The following NOP2 variants were observed in gnomAD, a reference collection of about 807,000 sequenced individuals.
NOP2 encodes the protein NOP2 nucleolar protein.
Under a neutral mutation model 72.7 loss-of-function variants are expected in NOP2, and 7 were observed. The observed-to-expected ratio is 0.10, with a 90% CI of 0.05 to 0.18. The LOEUF is 0.18. Among genes scored for constraint, NOP2 ranks in the 10% least tolerant of loss-of-function variants. NOP2 has a pLI of 1.00. For missense variants in NOP2, 954 were observed against 1,014.7 expected (o/e 0.94, Z 0.81); for synonymous variants, 387 against 388.0 (o/e 1.00, Z 0.03).
chr12:6,559,243 C>T (rs944957942), intron 15 of NOP2, among the ~76,000 whole-genome samples: 2 of 152,076 alleles, frequency 1.3e-5, no homozygotes, highest in South Asian at 2.1e-4. Context: ...CTCAGCCTCC[C>T]GAGTAGCTGG....
At chr12:6,563,262 GC>G in intron 8 of NOP2, 52 bp downstream of exon 8, 1 of 1,550,404 alleles carries the variant, frequency 6.4e-7, no homozygotes, top group Admixed American at 2.0e-5. Flanking sequence ...TCCTTACACA[GC>G]GTAAGGAGGC....
chr12:6,557,613 C>T lies in NOP2; in HGVS notation c.1819G>A (p.Val607Ile). ...GNSETATPTN[V>I]DLPQVIPKSE... is the part of the protein sequence containing the mutation. ...TTGGGGATGACCTGAGGCAAGTCTA[C>T]ATTTGTAGGTGTGGCTGTTTCAGAA... The change falls in exon 16 of 16, where the codon GTA becomes ATA. Residue 607 changes from valine to isoleucine, a missense_variant. Physicochemically the swap from Val to Ile is conservative, Grantham distance 29. Transcript: ENST00000322166. 1.9e-6 allele frequency: 3 copies of T among 1,613,014 alleles called. No homozygotes were observed. The highest frequency in any genetic ancestry group is 2.2e-5 in the East Asian group (1 of 44,878).
chr12:6,560,501 G>A lies in NOP2; in HGVS notation c.1506C>T (p.Val502=). ...KELLLSAIDS[V]NATSKTGGYL... Reference sequence around the variant, plus strand: ...AGCCTCCTGTCTTGGAGGTCGCATTGACAGAGTCAATAGCACTCAGGAGCA... The same window carrying A: ...AGCCTCCTGTCTTGGAGGTCGCATTAACAGAGTCAATAGCACTCAGGAGCA... The change falls in exon 14 of 16, where the codon GTC becomes GTT. Residue 502 remains valine (V), a synonymous_variant. Coordinates refer to ENST00000322166, the MANE Select transcript of NOP2 (RefSeq NM_001258308.2). The surrounding 1 kb of genome is among the most constrained non-coding windows in gnomAD (Gnocchi z 5.0). 1.2e-6 allele frequency: 2 copies of A among 1,606,172 alleles called. No homozygotes were observed. Among genetic ancestry groups the A allele is most frequent in the Non-Finnish European group, 1.7e-6 (2 of 1,175,328 alleles).
intron 2 of NOP2, chr12:6,567,523 A>C: frequency 3.2e-6 from 1 of 313,142 alleles, no homozygotes; most frequent in Non-Finnish European, 5.9e-6. Context: ...TTCAAAACCC[A>C]GCTTAACAAA....
chr12:6,561,854 T>C lies in NOP2; in HGVS notation c.1066+30A>G, dbSNP rs751266237. ...CATGCGGTAGGGACAGGGACAGAGG[T>C]AGAAGGGCTCTTGGGTGGGGGAGAC... On this transcript the variant is annotated intron_variant, in intron 10 of 15. Transcript: ENST00000322166. 14 of 1,608,608 alleles carry C rather than the reference T, an allele frequency of 8.7e-6. No homozygotes were observed. In the East Asian group the frequency reaches 2.2e-4, roughly 26 times the overall value.
chr12:6,567,825 A>C lies in NOP2; in HGVS notation c.94T>G (p.Leu32Val). The C allele has an allele frequency of 6.2e-7, 1 of 1,613,938 alleles. No homozygotes were observed. The highest frequency in any genetic ancestry group is 8.5e-7 in the Non-Finnish European group (1 of 1,179,798). ...KGAETELVRF[L>V]PAVSDENSKR... ...CACAACTAATCCTTACCTGCAGGCAAGAATCTGACGAGTTCTGTCTCGGCA... is the reference window on the plus strand; with the variant it reads ...CACAACTAATCCTTACCTGCAGGCACGAATCTGACGAGTTCTGTCTCGGCA... The change falls in exon 2 of 16, where the codon TTG becomes GTG. Residue 32 changes from leucine to valine, a missense_variant. By Grantham distance (32) the Leu-to-Val change is conservative (BLOSUM62 1). This residue lies in a region of NOP2 where 498 missense variants were observed against 478.3 expected (regional missense o/e 1.04). Coordinates refer to ENST00000322166, the MANE Select transcript of NOP2 (RefSeq NM_001258308.2).
chr12:6,558,610 CTT>C (rs869220261), intron 15 of NOP2, among the ~76,000 whole-genome samples: 67 of 133,776 alleles, frequency 5.0e-4, no homozygotes, highest in Admixed American at 7.5e-4. Flanking sequence ...CTTTATTTAT[CTT>C]TTTTTTTTTT....
chr12:6,563,917 C>G lies in NOP2; in HGVS notation c.504G>C (p.Lys168Asn). The change falls in exon 6 of 16, where the codon AAG becomes AAC. Residue 168 changes from lysine to asparagine, a missense_variant. By Grantham distance (94) the Lys-to-Asn change is moderately conservative. Coordinates refer to ENST00000322166, the MANE Select transcript of NOP2 (RefSeq NM_001258308.2). ...ALLPIERAAR[K>N]QKAREAAAGI... The stretch of plus-strand genomic sequence containing the variant: ...CAGCAGCAGCTTCCCGGGCCTTCTG[C>G]TTCCGAGCAGCTCTTTCAATGGGCA... 1 of 1,613,768 alleles carries G rather than the reference C, an allele frequency of 6.2e-7. No homozygotes were observed. Among genetic ancestry groups the G allele is most frequent in the Non-Finnish European group, 8.5e-7 (1 of 1,179,800 alleles).
Position 6,563,341 on chromosome 12 carries a change from G to A in NOP2, c.862C>T (p.Leu288Phe). ...YSYGDFLLGK[L>F]MDLFPLSELV... ...TCAGACAGAGGGAAGAGGTCCATGA[G>A]CTTGCCAAGCAGGAAGTCTCCATAG... is the stretch of plus-strand genomic sequence containing the variant. Residue 288 changes from leucine to phenylalanine, a missense_variant, in exon 8 of 16, where the codon CTC (leucine) becomes TTC (phenylalanine). Leu to Phe is a conservative substitution (Grantham distance 22, BLOSUM62 0). Transcript: ENST00000322166. The A allele has an allele frequency of 1.9e-6, 3 of 1,598,914 alleles. No homozygotes were observed. Among genetic ancestry groups the A allele is most frequent in the Middle Eastern group, 1.7e-4 (1 of 6,052 alleles).
Position 6,563,460 on chromosome 12 carries a change from C to A in NOP2, c.743G>T (p.Gly248Val). Residue 248 changes from glycine to valine, a missense_variant, in exon 8 of 16, where the codon GGA (glycine) becomes GTA (valine). Transcript: ENST00000322166. ...CTGAGCCCCAAAATCACGCAGAATT[C>A]CCACAATATCCTGGATCCGCTTGTG... ...RVHKRIQDIV[G>V]ILRDFGAQRE... 6.2e-7 allele frequency: 1 copy of A among 1,611,750 alleles called. No homozygotes were observed. Among genetic ancestry groups the A allele is most frequent in the South Asian group, 1.1e-5 (1 of 90,530 alleles).
At position 6,566,351 on chromosome 12, in the gene NOP2, A is replaced by G. The variant is rs1405318095; in HGVS notation, c.239-15T>C. On this transcript the variant is annotated splice_polypyrimidine_tract_variant and intron_variant, in intron 4 of 15. Transcript: ENST00000322166. ...TGCAGAGATCCCTAAGGGTTTGAAG[A>G]GTCCTGGACTAATGGCAGCCACACA... 1 of 1,600,622 alleles carries G rather than the reference A, an allele frequency of 6.2e-7. No homozygotes were observed. The highest frequency in any genetic ancestry group is 8.5e-7 in the Non-Finnish European group (1 of 1,170,180).
intron 4 of NOP2, 83 bp downstream of exon 4, chr12:6,566,446 C>T: frequency 6.6e-7 from 1 of 1,522,512 alleles, no homozygotes; most frequent in South Asian, 1.1e-5. Context: ...GTTCCTTTCA[C>T]TCCGGAAATG....
In NOP2 at chr12:6,557,425, C is replaced by G; in HGVS notation, c.2007G>C (p.Lys669Asn). The G allele has an allele frequency of 1.2e-6, 2 of 1,614,028 alleles. No homozygotes were observed. Among genetic ancestry groups the G allele is most frequent in the South Asian group, 2.2e-5 (2 of 91,084 alleles). ...SELSTVPSVT[K>N]TQASSSFQDS... ...CCTGGAAGCTGGAGGAAGCTTGGGT[C>G]TTTGTGACAGAAGGTACAGTGGACA... The change falls in exon 16 of 16, where the codon AAG becomes AAC. Residue 669 changes from lysine to asparagine, a missense_variant. By Grantham distance (94) the Lys-to-Asn change is moderately conservative. Around this residue, in one of 3 missense-constraint regions of NOP2, gnomAD observed 269 missense variants for 260.2 expected, o/e 1.03. Transcript: ENST00000322166.
chr12:6,565,209 A>G (rs1274690356), intron 5 of NOP2, among the ~76,000 whole-genome samples: 4 of 148,950 alleles, frequency 2.7e-5, no homozygotes, highest in Non-Finnish European at 5.9e-5. Flanking sequence ...GCTGGAGTGC[A>G]GTGGTAAGAT....
chr12:6,557,347 A>G lies in NOP2; in HGVS notation c.2085T>C (p.Thr695=). The G allele has an allele frequency of 1.2e-6, 2 of 1,614,026 alleles. No homozygotes were observed. Among genetic ancestry groups the G allele is most frequent in the Non-Finnish European group, 1.7e-6 (2 of 1,179,894 alleles). The stretch of plus-strand genomic sequence containing the variant: ...TAGGTGATCGTTGCTTTAGCTTCCC[A>G]GTCACCTTTGGCTCCCTGATCCCTT... ...KAEGIREPKV[T]GKLKQRSPKL... Residue 695 remains threonine (T), a synonymous_variant, in exon 16 of 16, where the codon ACT becomes ACC. Transcript: ENST00000322166.
At chr12:6,557,702 T>C (rs1947530210) in intron 15 of NOP2, 60 bp from the exon 16 acceptor site, 2 of 1,486,322 alleles carry the variant, frequency 1.3e-6, no homozygotes, top group African/African-American at 1.4e-5. Context: ...TATTTTAATA[T>C]TCTCATATTA....
chr12:6,560,172 T>C lies in NOP2; in HGVS notation c.1715A>G (p.His572Arg). ...SLRSTRRFYP[H>R]THNMDGFFIA... ...GAAGAACCCATCCATATTGTGGGTA[T>C]GAGGGTAGAAGCGTCGGGTAGAACG... Residue 572 changes from histidine to arginine, a missense_variant, in exon 15 of 16, where the codon CAT becomes CGT. Around this residue, in one of 3 missense-constraint regions of NOP2, gnomAD observed 187 missense variants for 276.2 expected, o/e 0.68. Coordinates refer to ENST00000322166, the MANE Select transcript of NOP2 (RefSeq NM_001258308.2). This position sits in a 1 kb window ranked among gnomAD's most constrained non-coding sequence, Gnocchi z 5.0. 6.2e-7 allele frequency: 1 copy of C among 1,614,018 alleles called. No individual in the cohort carries two copies. Among genetic ancestry groups the C allele is most frequent in the East Asian group, 2.2e-5 (1 of 44,888 alleles).
rs1947605472 is a variant in NOP2, at chr12:6,560,116, T to C, written c.1771A>G (p.Ile591Val). 6 of 1,613,580 alleles carry C rather than the reference T, an allele frequency of 3.7e-6. No individual in the cohort carries two copies. Among genetic ancestry groups the C allele is most frequent in the South Asian group, 3.3e-5 (3 of 91,090 alleles). ...IAKFKKFSNS[I>V]PQSQTGNSET... is the part of the protein sequence containing the mutation. The stretch of plus-strand genomic sequence containing the variant: ...TACTTACCTGTCTGGGACTGAGGGA[T>C]AGAATTGGAAAATTTCTTGAACTTG... Residue 591 changes from isoleucine to valine, a missense_variant, in exon 15 of 16, where the codon ATC becomes GTC. Transcript: ENST00000322166. The surrounding 1 kb of genome is among the most constrained non-coding windows in gnomAD (Gnocchi z 5.0).
In NOP2 at chr12:6,560,550, C is replaced by A. The variant is rs199521899; in HGVS notation, c.1457G>T (p.Arg486Leu). The A allele has an allele frequency of 3.1e-6, 5 of 1,599,828 alleles. No individual in the cohort carries two copies. Among genetic ancestry groups the A allele is most frequent in the African/African-American group, 1.3e-5 (1 of 74,394 alleles). The stretch of plus-strand genomic sequence containing the variant: ...CAACTCCTTCTGGAGGTGAGCACAG[C>A]GCAGGATGTCCTTCTCATCCTGTCC... ...KTNKDEKDILRCAHLQKELLL... is the reference protein window; with the variant it reads ...KTNKDEKDILLCAHLQKELLL... The change falls in exon 14 of 16, where the codon CGC (arginine) becomes CTC (leucine). Residue 486 changes from arginine (R) to leucine (L), a missense_variant. By Grantham distance (102) the Arg-to-Leu change is moderately radical. Around this residue, in one of 3 missense-constraint regions of NOP2, gnomAD observed 187 missense variants for 276.2 expected, o/e 0.68. Transcript: ENST00000322166. This position sits in a 1 kb window ranked among gnomAD's most constrained non-coding sequence, Gnocchi z 5.0.
Sources: gnomAD v4.1 joint callset for allele counts (sites outside exome capture counted in the v4.1 genomes callset) on GRCh38, gnomAD v4.1.1 for gene constraint, gnomAD v4.1.1 regional missense constraint, Gnocchi (gnomAD v3.1) non-coding constraint, MANE v1.5 for transcripts, NCBI Gene and HGNC (gene_info 2026-07-23, HGNC 2026-07-21) for gene names.